The following JAK2 variants were observed in gnomAD, a reference collection of about 807,000 sequenced individuals.
The protein encoded by JAK2 is Janus kinase 2.
A neutral mutation model predicts 139.3 loss-of-function variants in JAK2; 86 were observed. The observed-to-expected ratio is 0.62, with a 90% CI of 0.52 to 0.74. The LOEUF is 0.74. Ranked by LOEUF, JAK2 falls within the 30% of genes least tolerant of loss-of-function variation. The pLI, the probability that JAK2 is intolerant of heterozygous loss-of-function variation, is 0.00. For missense variants in JAK2, 1,421 were observed against 1,360.3 expected (o/e 1.04, Z -0.70); for synonymous variants, 490 against 437.7 (o/e 1.12, Z -1.49).
chr9:5,085,818 G>C, intron 19 of JAK2: 3 of 758,796 alleles, frequency 4.0e-6, no homozygotes, highest in Middle Eastern at 2.3e-4. Context: ...CACAATAATT[G>C]ATCGAAAGGC....
chr9:4,997,354 C>T (rs1337174518), intron 2 of JAK2, among the ~76,000 whole-genome samples: 1 of 152,180 alleles, frequency 6.6e-6, no homozygotes, highest in African/African-American at 2.4e-5. Context: ...ATTTGCTCAG[C>T]TTCTGGGGAG....
At chr9:5,035,761 G>C (rs12552828) in intron 4 of JAK2, among the ~76,000 whole-genome samples, 43,350 of 151,888 alleles carry the variant, frequency 0.29, 6,534 homozygotes, top group African/African-American at 0.38. Flanking sequence ...ATGACATACC[G>C]ACAGCCAATA....
chr9:5,058,075 GTTCA>G (rs1432127130), intron 8 of JAK2, among the ~76,000 whole-genome samples: 2 of 151,982 alleles, frequency 1.3e-5, no homozygotes, highest in African/African-American at 4.8e-5. Context: ...TACCACATTT[GTTCA>G]TTCATCCATC....
chr9:4,991,692 C>T (rs573876003), intron 2 of JAK2, among the ~76,000 whole-genome samples: 6 of 137,264 alleles, frequency 4.4e-5, no homozygotes, highest in African/African-American at 8.0e-5. Context: ...TTCCCACCCC[C>T]CCACCCCACA....
intron 15 of JAK2, 32 bp downstream of exon 15, chr9:5,077,612 CTATTT>C: frequency 7.3e-7 from 1 of 1,367,812 alleles, no homozygotes; most frequent in Non-Finnish European, 9.7e-7. Flanking sequence ...TCAAAAGATA[CTATTT>C]TATTTTATAA....
At chr9:5,107,593 A>T (rs1822068476) in intron 22 of JAK2, among the ~76,000 whole-genome samples, 1 of 152,314 alleles carries the variant, frequency 6.6e-6, no homozygotes. Context: ...AAGTCAAAAG[A>T]AATGATTTCG....
Position 5,127,249 on chromosome 9 carries a change from A to G in JAK2, c.*458A>G, listed in dbSNP as rs764014447. ...CTGGTGTTCATTAATACTGTTTTCT[A>G]ATTTTTCCATAGTTAATCTATAATT... On this transcript the variant is annotated 3_prime_UTR_variant, in exon 25 of 25. Transcript: ENST00000381652. 8.6e-6 allele frequency: 2 copies of G among 232,434 alleles called. No homozygotes were observed. The highest frequency in any genetic ancestry group is 1.7e-5 in the Non-Finnish European group (2 of 117,222). The allele number at this position is 232,434 out of a possible 1,614,324, so 14.4% of individuals were successfully genotyped here.
At chr9:5,057,586 T>C (rs991631058) in intron 8 of JAK2, among the ~76,000 whole-genome samples, 14 of 147,204 alleles carry the variant, frequency 9.5e-5, no homozygotes, top group African/African-American at 2.3e-4. Flanking sequence ...CTTTCTTTTT[T>C]TTTTTTTTTT....
chr9:5,094,346 T>C (rs1300820873), intron 22 of JAK2: 5 of 152,396 alleles, frequency 3.3e-5, no homozygotes, highest in African/African-American at 1.2e-4. Context: ...CCCCTTCCTA[T>C]ACCCCATCCC....
intron 18 of JAK2, among the ~76,000 whole-genome samples, chr9:5,081,059 C>A (rs909660402): frequency 6.6e-6 from 1 of 151,756 alleles, no homozygotes; most frequent in Admixed American, 6.6e-5. Flanking sequence ...CCACACCCGG[C>A]TAATTTTTTG....
In JAK2 at chr9:5,050,769, A is replaced by C; in HGVS notation, c.552A>C (p.Leu184Phe). ...TQEECLGMAV[L>F]DMMRIAKEND... ...AAGAATGTCTTGGGATGGCAGTGTT[A>C]GATATGATGAGAATAGCCAAAGAAA... Residue 184 changes from leucine to phenylalanine, a missense_variant, in exon 6 of 25, where the codon TTA (leucine) becomes TTC (phenylalanine). Coordinates refer to ENST00000381652, the MANE Select transcript of JAK2 (RefSeq NM_004972.4). 1 of 1,613,152 alleles carries C rather than the reference A, an allele frequency of 6.2e-7. No individual in the cohort carries two copies. Among genetic ancestry groups the C allele is most frequent in the Non-Finnish European group, 8.5e-7 (1 of 1,179,164 alleles).
rs185024362 is a variant in JAK2, at chr9:5,039,908, A to G, written c.351-4495A>G. Among the ~76,000 whole-genome samples, 351 of 152,334 alleles carry G rather than the reference A, an allele frequency of 2.3e-3. 1 individual carries two copies. Among genetic ancestry groups the G allele is most frequent in the African/African-American group, 7.5e-3 (310 of 41,592 alleles). ...ACTCCTTAATTGATCTGTATGTTCA[A>G]TGCAATTCCTACTGAATTCCTAAAT... On this transcript the variant is annotated intron_variant, in intron 4 of 24. Transcript: ENST00000381652.
intron 23 of JAK2, among the ~76,000 whole-genome samples, chr9:5,125,084 A>AT (rs563590532): frequency 2.0e-5 from 3 of 151,172 alleles, no homozygotes; most frequent in Admixed American, 6.6e-5. Context: ...TCATCATAGA[A>AT]TTTTTTTTAA....
chr9:5,007,686 C>T (rs1158522765), intron 2 of JAK2, among the ~76,000 whole-genome samples: 1 of 151,386 alleles, frequency 6.6e-6, no homozygotes. Context: ...TACTTTTGCA[C>T]CAGTCTAATA....
At chr9:5,002,976 C>T (rs1486266437) in intron 2 of JAK2, among the ~76,000 whole-genome samples, 2 of 151,942 alleles carry the variant, frequency 1.3e-5, no homozygotes, top group African/African-American at 4.8e-5. Context: ...GACTAAGCCA[C>T]ATGTTTTGAA....
In JAK2 at chr9:5,072,613, G is replaced by A. The variant is rs1473044275; in HGVS notation, c.1763G>A (p.Arg588Lys). The part of the protein sequence containing the change: ...VLLKVLDKAH[R>K]NYSESFFEAA... ...TTAAAAGTTCTGGATAAAGCACACA[G>A]AAACTATTCAGAGGTGTGTATGTTC... The change falls in exon 13 of 25, where the codon AGA becomes AAA. Residue 588 changes from arginine to lysine, a missense_variant. Transcript: ENST00000381652. The A allele has an allele frequency of 1.9e-6, 3 of 1,605,366 alleles. No homozygotes were observed. The highest frequency in any genetic ancestry group is 2.6e-6 in the Non-Finnish European group (3 of 1,175,224).
chr9:5,022,261 A>G, intron 3 of JAK2, 48 bp downstream of exon 3: 2 of 1,312,206 alleles, frequency 1.5e-6, no homozygotes, highest in South Asian at 2.4e-5. Context: ...GGATTGTTTT[A>G]ATTATGCTAT....
chr9:4,996,712 C>T (rs1467216493), intron 2 of JAK2, among the ~76,000 whole-genome samples: 1 of 151,806 alleles, frequency 6.6e-6, no homozygotes, highest in African/African-American at 2.4e-5. Flanking sequence ...CTACCCCTCC[C>T]TGCCACAGAC....
At chr9:5,080,078 T>C (rs1819579851) in intron 16 of JAK2, 151 bp from the exon 17 acceptor site, 2 of 544,528 alleles carry the variant, frequency 3.7e-6, no homozygotes, top group Non-Finnish European at 6.4e-6. Flanking sequence ...CTTAAGCTTA[T>C]GCAGTCATGT....
Sources: allele counts gnomAD v4.1 joint callset (sites outside exome capture counted in the v4.1 genomes callset), GRCh38; gene constraint gnomAD v4.1.1; transcripts MANE v1.5; gene names NCBI Gene and HGNC (gene_info 2026-07-23, HGNC 2026-07-21).